Variants in KCNH7 observed in about 807,000 individuals in gnomAD.
KCNH7 encodes voltage-gated inwardly rectifying potassium channel KCNH7.
In KCNH7, 49 loss-of-function variants were observed where a neutral mutation model predicts 120.8. That is an observed-to-expected ratio of 0.41 (90% CI 0.32 to 0.51). The LOEUF (loss-of-function observed/expected upper bound fraction) is 0.51, where lower values mean the gene tolerates loss of function less well. Among genes scored for constraint, KCNH7 ranks in the 20% least tolerant of loss-of-function variants. KCNH7 has a pLI of 0.38. For missense variants in KCNH7, 1,097 were observed against 1,446.6 expected, an observed-to-expected ratio of 0.76 and a Z score of 3.92; for synonymous variants, 547 against 516.1, an observed-to-expected ratio of 1.06 and a Z score of -0.81.
chr2:162,398,406 C>T (rs1458275829), intron 10 of KCNH7, among the ~76,000 whole-genome samples: 1 of 151,770 alleles, frequency 6.6e-6, no homozygotes, highest in Non-Finnish European at 1.5e-5. Context: ...GATACATTAA[C>T]CACAGTTTAA....
chr2:162,456,451 G>A (rs1197688870), intron 6 of KCNH7, among the ~76,000 whole-genome samples: 2 of 152,078 alleles, frequency 1.3e-5, no homozygotes, highest in Non-Finnish European at 2.9e-5. Context: ...TAGAATAAGT[G>A]TCATGTGGCA....
intron 2 of KCNH7, among the ~76,000 whole-genome samples, chr2:162,835,554 A>G (rs923564928): frequency 3.3e-5 from 5 of 152,016 alleles, no homozygotes; most frequent in Admixed American, 6.6e-5. Context: ...ATTAACTATA[A>G]CATTCAATTT....
intron 2 of KCNH7, among the ~76,000 whole-genome samples, chr2:162,800,742 A>G (rs1344037762): frequency 7.2e-5 from 11 of 151,958 alleles, no homozygotes; most frequent in Admixed American, 7.2e-4. Context: ...CTAAAACACA[A>G]TGATCATCAA....
At chr2:162,668,072 A>T (rs1685208049) in intron 2 of KCNH7, among the ~76,000 whole-genome samples, 1 of 152,240 alleles carries the variant, frequency 6.6e-6, no homozygotes, top group Non-Finnish European at 1.5e-5. Flanking sequence ...TCATGCTTCA[A>T]AATAACTAAA....
chr2:162,738,905 G>C lies in KCNH7; in HGVS notation c.307+97632C>G, dbSNP rs140120484. The stretch of plus-strand genomic sequence containing the variant: ...TTGCAGTTTATGTTTTTTATAGGCA[G>C]GGCATCATTTTCATGAAGTCTAAGT... On this transcript the variant is annotated intron_variant, in intron 2 of 15. Transcript: ENST00000332142. Among the ~76,000 whole-genome samples the C allele has an allele frequency of 6.1e-3, 926 of 152,218 alleles. 9 individuals are homozygous for C. Among genetic ancestry groups the C allele is most frequent in the African/African-American group, 0.021 (867 of 41,534 alleles).
rs376950838 is a variant in KCNH7, at chr2:162,654,563, A to ACAAC, written c.308-117487_308-117484dup. ...ACTGTTGGTGGTTATGTAGATTGGT[A>ACAAC]CAACCATTATAAAAAATGGTATGGA... On this transcript the variant is annotated intron_variant, in intron 2 of 15. Coordinates refer to ENST00000332142, the MANE Select transcript of KCNH7 (RefSeq NM_033272.4). Among the ~76,000 whole-genome samples, 735 of 152,276 alleles carry ACAAC rather than the reference A, an allele frequency of 4.8e-3. 10 individuals carry two copies. The highest frequency in any genetic ancestry group is 0.016 in the African/African-American group (656 of 41,568).
intron 6 of KCNH7, among the ~76,000 whole-genome samples, chr2:162,479,190 A>G (rs1404404964): frequency 2.0e-5 from 3 of 150,920 alleles, no homozygotes; most frequent in Non-Finnish European, 4.4e-5. Context: ...TTTTTCAAAA[A>G]AAGTCATTCA....
intron 2 of KCNH7, among the ~76,000 whole-genome samples, chr2:162,679,064 G>A (rs913235668): frequency 6.6e-6 from 1 of 151,596 alleles, no homozygotes; most frequent in African/African-American, 2.4e-5. Flanking sequence ...CAGGTCACAG[G>A]TGTGAAACTG....
At chr2:162,679,054 C>T (rs2105309071) in intron 2 of KCNH7, among the ~76,000 whole-genome samples, 1 of 151,676 alleles carries the variant, frequency 6.6e-6, no homozygotes, top group East Asian at 1.9e-4. Flanking sequence ...TTTGAAATAA[C>T]AGGTCACAGG....
At chr2:162,701,534 C>T (rs1686498728) in intron 2 of KCNH7, among the ~76,000 whole-genome samples, 1 of 151,944 alleles carries the variant, frequency 6.6e-6, no homozygotes, top group Non-Finnish European at 1.5e-5. Context: ...ATGAAGTTGA[C>T]AGAAGGGAAC....
intron 2 of KCNH7, among the ~76,000 whole-genome samples, chr2:162,615,012 G>GT (rs1683096682): frequency 6.6e-6 from 1 of 152,118 alleles, no homozygotes; most frequent in African/African-American, 2.4e-5. Flanking sequence ...CGGTTTAAAT[G>GT]TAAGACATCG....
chr2:162,526,363 G>C (rs1344703936), intron 3 of KCNH7, among the ~76,000 whole-genome samples: 1 of 151,904 alleles, frequency 6.6e-6, no homozygotes, highest in African/African-American at 2.4e-5. Context: ...CAGGGTTTGA[G>C]AGCAGACAAC....
At chr2:162,713,332 A>G (rs1431734725) in intron 2 of KCNH7, among the ~76,000 whole-genome samples, 2 of 152,244 alleles carry the variant, frequency 1.3e-5, no homozygotes, top group African/African-American at 4.8e-5. Context: ...TTGAGCCACA[A>G]AATATCTGAT....
intron 2 of KCNH7, among the ~76,000 whole-genome samples, chr2:162,752,755 C>T (rs563129680): frequency 6.0e-5 from 9 of 150,784 alleles, no homozygotes; most frequent in African/African-American, 1.5e-4. Flanking sequence ...AAAAATTAGC[C>T]GGGTGTGATG....
At chr2:162,380,467 C>G (rs1223734238) in intron 13 of KCNH7, among the ~76,000 whole-genome samples, 3 of 152,032 alleles carry the variant, frequency 2.0e-5, no homozygotes. Context: ...AGAGTGGGCC[C>G]AAGAAGAGAG....
intron 2 of KCNH7, among the ~76,000 whole-genome samples, chr2:162,646,826 T>A (rs1023108380): frequency 2.0e-5 from 3 of 152,154 alleles, no homozygotes; most frequent in Admixed American, 6.6e-5. Flanking sequence ...AAAGGATTCT[T>A]CTCCAAAGGC....
chr2:162,439,560 T>C (rs1030167822), intron 7 of KCNH7, among the ~76,000 whole-genome samples: 4 of 152,102 alleles, frequency 2.6e-5, no homozygotes, highest in Non-Finnish European at 4.4e-5. Flanking sequence ...TCCAACTCTT[T>C]TTTCCAAAAT....
At chr2:162,487,824 A>C (rs187403670) in intron 6 of KCNH7, among the ~76,000 whole-genome samples, 32 of 152,288 alleles carry the variant, frequency 2.1e-4, no homozygotes, top group African/African-American at 7.2e-4. Flanking sequence ...GTTGGAATTC[A>C]CTTCCTAACT....
chr2:162,631,202 AG>A (rs1156473778), intron 2 of KCNH7, among the ~76,000 whole-genome samples: 1 of 152,108 alleles, frequency 6.6e-6, no homozygotes, highest in African/African-American at 2.4e-5. Context: ...GTGTTGTAAC[AG>A]GGTTCTGCTG....
Sources: gnomAD v4.1 joint callset for allele counts (sites outside exome capture counted in the v4.1 genomes callset) on GRCh38, gnomAD v4.1.1 for gene constraint, MANE v1.5 for transcripts, NCBI Gene and HGNC (gene_info 2026-07-23, HGNC 2026-07-21) for gene names.